CFAP74: variants seen among roughly 807,000 people sequenced by gnomAD.
CFAP74 encodes the protein cilia- and flagella-associated protein 74.
In CFAP74, 124 loss-of-function variants were observed where a neutral mutation model predicts 188.9. The ratio of observed to expected loss-of-function variants is 0.66; its 90% CI spans 0.57 to 0.76. CFAP74 has a LOEUF of 0.76. Among genes scored for constraint, CFAP74 ranks in the 30% least tolerant of loss-of-function variants. The probability of loss-of-function intolerance (pLI) is 0.00; values close to 1 mark genes in which losing one functional copy is unlikely to be tolerated. For synonymous variants in CFAP74, 956 were observed against 916.7 expected, an observed-to-expected ratio of 1.04 and a Z score of -0.77; for missense variants, 2,198 against 2,165.2, an observed-to-expected ratio of 1.02 and a Z score of -0.30.
chr1:1,943,595 T>C (rs1465718890), intron 21 of CFAP74, among the ~76,000 whole-genome samples: 5 of 152,258 alleles, frequency 3.3e-5, no homozygotes, highest in African/African-American at 9.6e-5. Context: ...CAGGGCAGGC[T>C]GCTTGCTCTG....
intron 33 of CFAP74, 75 bp downstream of exon 33, chr1:1,925,708 G>T (rs1241208661): frequency 6.6e-7 from 1 of 1,514,406 alleles, no homozygotes; most frequent in Non-Finnish European, 8.9e-7. Flanking sequence ...ACTTTTGACA[G>T]CTGGCCTGAG....
At chr1:1,983,987 C>G (rs1184408249) in intron 6 of CFAP74, 1 of 139,626 alleles carries the variant, frequency 7.2e-6, no homozygotes, top group Admixed American at 7.2e-5. Flanking sequence ...CCGCGCCCAG[C>G]CATTTTTTTT....
intron 25 of CFAP74, among the ~76,000 whole-genome samples, chr1:1,934,762 TAC>T (rs370836409): frequency 9.3e-5 from 8 of 86,438 alleles, no homozygotes; most frequent in Non-Finnish European, 1.7e-4. Flanking sequence ...AGGTTGTAGG[TAC>T]ACACGTGTGT....
intron 16 of CFAP74, among the ~76,000 whole-genome samples, chr1:1,958,422 C>A (rs1264337118): frequency 1.3e-5 from 2 of 152,220 alleles, no homozygotes; most frequent in Non-Finnish European, 2.9e-5. Flanking sequence ...AGCTGCCACT[C>A]TGGAGTCCAG....
In CFAP74 at chr1:1,925,819, A is replaced by T; in HGVS notation, c.4068T>A (p.Tyr1356Ter). ...AGGACACAGACTCTCCGGCAATCAC[A>T]TAGCCCATGTTGAGGACGCTGCCTT... The part of the protein sequence containing the change: ...SIEGSVLNMG[Y>*]VIAGESVSSG... The change falls in exon 33 of 39, where the codon TAT (tyrosine) becomes TAA (stop). Residue 1356 changes from tyrosine (Y) to a stop codon, truncating the protein, a stop_gained. Coordinates refer to ENST00000682832, the MANE Select transcript of CFAP74 (RefSeq NM_001304360.2). LOFTEE classifies it high-confidence loss of function. 6.2e-7 allele frequency: 1 copy of T among 1,612,644 alleles called. No individual in the cohort carries two copies. Among genetic ancestry groups the T allele is most frequent in the Non-Finnish European group, 8.5e-7 (1 of 1,179,882 alleles).
At chr1:1,948,903 C>CT (rs1164447054) in intron 18 of CFAP74, among the ~76,000 whole-genome samples, 12 of 47,842 alleles carry the variant, frequency 2.5e-4, no homozygotes, top group East Asian at 7.3e-4. Context: ...CCCTCCTTCC[C>CT]TTCCTTCCTT....
At chr1:1,958,754 C>T (rs995981664) in intron 16 of CFAP74, among the ~76,000 whole-genome samples, 2 of 150,012 alleles carry the variant, frequency 1.3e-5, no homozygotes, top group African/African-American at 5.1e-5. Context: ...TTCTGCTGTT[C>T]TGTTTTCCTC....
At position 1,955,755 on chromosome 1, in the gene CFAP74, C is replaced by T. The variant is rs370914985; in HGVS notation, c.2112G>A (p.Ala704=). The T allele has an allele frequency of 5.1e-5, 82 of 1,614,222 alleles. No homozygotes were observed. The African/African-American group carries it at 6.3e-4, about 12-fold the overall frequency. The change falls in exon 18 of 39, where the codon GCG becomes GCA. Residue 704 remains alanine, a synonymous_variant. Coordinates refer to ENST00000682832, the MANE Select transcript of CFAP74 (RefSeq NM_001304360.2). ...QQLEGTESSQ[A]DMQSRKELEK... is the part of the protein sequence containing the mutation. Reference sequence around the variant, plus strand: ...CCAGCTCCTTCCGGCTCTGCATGTCCGCCTGGGAGGACTCCGTGCCCTCTA... The same window carrying T: ...CCAGCTCCTTCCGGCTCTGCATGTCTGCCTGGGAGGACTCCGTGCCCTCTA...
intron 18 of CFAP74, chr1:1,954,732 GTGACTGCACCACT>G: frequency 1.0e-6 from 1 of 959,092 alleles, no homozygotes; most frequent in South Asian, 2.9e-5. Flanking sequence ...GCAGTGAGCT[GTGACTGCACCACT>G]GCACTCCAGC....
chr1:1,983,237 CT>C (rs1364991824), intron 6 of CFAP74, among the ~76,000 whole-genome samples: 1 of 152,220 alleles, frequency 6.6e-6, no homozygotes, highest in Non-Finnish European at 1.5e-5. Flanking sequence ...GGAATGAATT[CT>C]GGCAAGAAAC....
Position 1,923,735 on chromosome 1 carries a change from AGGGCC to A in CFAP74, c.4389+35_4389+39del. On this transcript the variant is annotated intron_variant, in intron 35 of 38. Coordinates refer to ENST00000682832, the MANE Select transcript of CFAP74 (RefSeq NM_001304360.2). The surrounding 1 kb of genome is among the most constrained non-coding windows in gnomAD (Gnocchi z 6.3). ...CAAAGGCAAGGCCCTGCGTGGGGCC[AGGGCC>A]GGGCCGGGCTGAGCTTGCAGAGCCA... The A allele has an allele frequency of 1.9e-6, 3 of 1,612,556 alleles. No homozygotes were observed. The highest frequency in any genetic ancestry group is 2.5e-6 in the Non-Finnish European group (3 of 1,179,608).
intron 4 of CFAP74, 111 bp from the exon 5 acceptor site, chr1:1,987,146 C>T: frequency 1.3e-6 from 1 of 788,004 alleles, no homozygotes; most frequent in Non-Finnish European, 2.0e-6. Flanking sequence ...CCCCAGAGCC[C>T]CCCTCACCCG....
In CFAP74 at chr1:1,987,041, A is replaced by G. The variant is rs778255502; in HGVS notation, c.297-6T>C. On this transcript the variant is annotated splice_region_variant and splice_polypyrimidine_tract_variant and intron_variant, in intron 4 of 38. Coordinates refer to ENST00000682832, the MANE Select transcript of CFAP74 (RefSeq NM_001304360.2). ...GACAGGCGCGCAGCTCCCCTCTGGAACAGGGAAACAAAGGTCAGATGATGG... is the reference window on the plus strand; with the variant it reads ...GACAGGCGCGCAGCTCCCCTCTGGAGCAGGGAAACAAAGGTCAGATGATGG... 6.3e-7 allele frequency: 1 copy of G among 1,589,450 alleles called. No individual in the cohort carries two copies. The highest frequency in any genetic ancestry group is 1.1e-5 in the South Asian group (1 of 90,522).
intron 25 of CFAP74, among the ~76,000 whole-genome samples, chr1:1,936,786 C>G (rs1652926315): frequency 6.6e-6 from 1 of 151,188 alleles, no homozygotes; most frequent in Non-Finnish European, 1.5e-5. Flanking sequence ...TTCCTGTAGT[C>G]CTAGCCACAC....
chr1:1,991,764 G>T (rs542582483), intron 1 of CFAP74, among the ~76,000 whole-genome samples: 1 of 152,134 alleles, frequency 6.6e-6, no homozygotes, highest in Non-Finnish European at 1.5e-5. Context: ...GATTGGCTGG[G>T]CGTGGTGGCT....
At position 1,980,090 on chromosome 1, in the gene CFAP74, G is replaced by GAA. The variant is rs1225552817; in HGVS notation, c.500+5295_500+5296insTT. 6.2e-5 allele frequency among the ~76,000 whole-genome samples: 8 copies of GAA among 129,714 alleles called. 1 individual carries two copies. The East Asian group carries it at 1.8e-3, about 30-fold the overall frequency. 85.1% of individuals were successfully genotyped at this position (129,714 alleles called of 152,430 possible). A position where few individuals can be genotyped will look rare whatever the true frequency, so the allele number is the denominator to read the frequency against. On this transcript the variant is annotated intron_variant, in intron 6 of 38. Coordinates refer to ENST00000682832, the MANE Select transcript of CFAP74 (RefSeq NM_001304360.2). ...TACCGCGTGGGGAGGACGGGTGAACGAGAGTGTATCTAAGCCACCGGCACA... is the reference window on the plus strand; with the variant it reads ...TACCGCGTGGGGAGGACGGGTGAACGAAAGAGTGTATCTAAGCCACCGGCACA...
intron 9 of CFAP74, among the ~76,000 whole-genome samples, chr1:1,971,568 C>T (rs1049771313): frequency 2.6e-5 from 4 of 152,260 alleles, no homozygotes; most frequent in African/African-American, 7.2e-5. Flanking sequence ...TGTCCCTGCA[C>T]GTCACCTGCC....
intron 20 of CFAP74, among the ~76,000 whole-genome samples, chr1:1,945,118 C>A (rs899444291): frequency 6.6e-6 from 1 of 152,038 alleles, no homozygotes; most frequent in African/African-American, 2.4e-5. Context: ...CCAGCCTGGG[C>A]AGTGTGGTGA....
intron 8 of CFAP74, among the ~76,000 whole-genome samples, chr1:1,972,563 A>T (rs993226611): frequency 2.0e-5 from 3 of 152,184 alleles, no homozygotes; most frequent in Admixed American, 6.5e-5. Context: ...TAAAATCAGG[A>T]GGCTGGGTGC....
Sources: gnomAD v4.1 joint callset for allele counts (sites outside exome capture counted in the v4.1 genomes callset) on GRCh38, gnomAD v4.1.1 for gene constraint, Gnocchi (gnomAD v3.1) non-coding constraint, MANE v1.5 for transcripts, NCBI Gene and HGNC (gene_info 2026-07-23, HGNC 2026-07-21) for gene names.